EDEM3: variants seen among roughly 807,000 people sequenced by gnomAD.
EDEM3 encodes the protein ER degradation-enhancing alpha-mannosidase-like protein 3.
EDEM3 carries 60 observed loss-of-function variants against 110.2 expected under a neutral mutation model. That is an observed-to-expected ratio of 0.54 (90% confidence interval 0.44 to 0.67). The LOEUF is 0.67. Ranked by LOEUF, EDEM3 falls within the 30% of genes least tolerant of loss-of-function variation. EDEM3 has a pLI of 0.00. For synonymous variants in EDEM3, 352 were observed against 382.9 expected, an observed-to-expected ratio of 0.92 and a Z score of 0.94; for missense variants, 996 against 1,121.0, an observed-to-expected ratio of 0.89 and a Z score of 1.59.
intron 6 of EDEM3, among the ~76,000 whole-genome samples, chr1:184,731,735 T>C (rs1442951346): frequency 6.6e-6 from 1 of 152,200 alleles, no homozygotes; most frequent in African/African-American, 2.4e-5. Context: ...TGTTCTTCCT[T>C]CTGCAGCATA....
At position 184,706,541 on chromosome 1, in the gene EDEM3, A is replaced by T. The variant is rs568613353; in HGVS notation, c.2203+102T>A. ...CTTGTTGTCTAGGTGAGGTAAAAAA[A>T]ACTATGACAAACTCTTTGATAAAAT... On this transcript the variant is annotated intron_variant, in intron 18 of 19. Coordinates refer to ENST00000318130, the MANE Select transcript of EDEM3 (RefSeq NM_025191.4). The T allele has an allele frequency of 9.7e-5, 113 of 1,162,300 alleles. 2 individuals are homozygous for T. In the South Asian group the frequency reaches 1.8e-3, roughly 19 times the overall value. 72.0% of individuals were successfully genotyped at this position (1,162,300 alleles called of 1,614,324 possible).
At chr1:184,703,438 C>T (rs1224805603) in intron 18 of EDEM3, among the ~76,000 whole-genome samples, 1 of 152,098 alleles carries the variant, frequency 6.6e-6, no homozygotes, top group African/African-American at 2.4e-5. Context: ...TGAAAATTTC[C>T]ACTACTGGCA....
intron 7 of EDEM3, 52 bp downstream of exon 7, chr1:184,726,203 T>A (rs1651181492): frequency 6.3e-7 from 1 of 1,582,036 alleles, no homozygotes; most frequent in Non-Finnish European, 8.6e-7. Context: ...GAAGAAGATA[T>A]AAAGGTAGTT....
chr1:184,708,255 C>A lies in EDEM3; in HGVS notation c.1935G>T (p.Leu645=). ...AAACAATTTGTACAGCTCGTGGAGG[C>A]AGCTGCTGTTCTTTTTGTTGCTGAC... ...LSSQQQKEQQ[L]PPRAVQIVSH... is the part of the protein sequence containing the mutation. Residue 645 remains leucine (L), a synonymous_variant, in exon 17 of 20, where the codon CTG becomes CTT. Coordinates refer to ENST00000318130, the MANE Select transcript of EDEM3 (RefSeq NM_025191.4). 1 of 1,613,456 alleles carries A rather than the reference C, an allele frequency of 6.2e-7. No homozygotes were observed. The highest frequency in any genetic ancestry group is 1.1e-5 in the South Asian group (1 of 90,964).
intron 13 of EDEM3, among the ~76,000 whole-genome samples, chr1:184,716,125 A>G (rs1176476042): frequency 6.6e-6 from 1 of 152,174 alleles, no homozygotes; most frequent in Non-Finnish European, 1.5e-5. Flanking sequence ...CACATATACA[A>G]TGTTTTAAAA....
At position 184,692,725 on chromosome 1, in the gene EDEM3, A is replaced by C. The variant is rs1046086868; in HGVS notation, c.*1338T>G. 1 of 151,758 alleles carries C rather than the reference A, an allele frequency of 6.6e-6. No individual in the cohort carries two copies. Among genetic ancestry groups the C allele is most frequent in the Admixed American group, 6.6e-5 (1 of 15,224 alleles). The allele number at this position is 151,758 out of a possible 1,614,324, so 9.4% of individuals were successfully genotyped here. Reference sequence around the variant, plus strand: ...GGGCTGTCTACAAACATCAACAACAAAATTTAAAAATTTTTAAGACTTAAA... The same window carrying C: ...GGGCTGTCTACAAACATCAACAACACAATTTAAAAATTTTTAAGACTTAAA... On this transcript the variant is annotated 3_prime_UTR_variant, in exon 20 of 20. Coordinates refer to ENST00000318130, the MANE Select transcript of EDEM3 (RefSeq NM_025191.4).
At chr1:184,712,048 T>C (rs1270224220) in intron 14 of EDEM3, among the ~76,000 whole-genome samples, 171 bp from the exon 15 acceptor site, 4 of 152,104 alleles carry the variant, frequency 2.6e-5, no homozygotes, top group Admixed American at 2.6e-4. Flanking sequence ...TGCCTCAGCC[T>C]TCCGAGTAGC....
At chr1:184,701,437 C>G in intron 19 of EDEM3, 3 of 1,069,392 alleles carry the variant, frequency 2.8e-6, no homozygotes, top group Non-Finnish European at 3.6e-6. Flanking sequence ...AGTGTGTGTA[C>G]ACACACCCAA....
chr1:184,742,120 T>C (rs1386312635), intron 2 of EDEM3, among the ~76,000 whole-genome samples: 1 of 152,044 alleles, frequency 6.6e-6, no homozygotes, highest in African/African-American at 2.4e-5. Context: ...TACAGACTAG[T>C]GGCCAGGAAC....
At chr1:184,696,893 T>A (rs892021620) in intron 19 of EDEM3, among the ~76,000 whole-genome samples, 2 of 151,980 alleles carry the variant, frequency 1.3e-5, no homozygotes, top group Admixed American at 1.3e-4. Flanking sequence ...TAGGGTTACA[T>A]ATACGATATT....
intron 18 of EDEM3, among the ~76,000 whole-genome samples, chr1:184,703,524 T>C (rs992393954): frequency 2.0e-5 from 3 of 152,228 alleles, no homozygotes; most frequent in African/African-American, 4.8e-5. Context: ...GTTATGACTA[T>C]AGTGCTTCTT....
chr1:184,726,899 G>A (rs147248553), intron 6 of EDEM3, among the ~76,000 whole-genome samples: 211 of 152,308 alleles, frequency 1.4e-3, no homozygotes, highest in African/African-American at 4.8e-3. Context: ...TTTCATTTAC[G>A]GGTTTTAAGA....
intron 14 of EDEM3, 119 bp from the exon 15 acceptor site, chr1:184,711,996 T>C (rs1650270308): frequency 2.8e-6 from 2 of 722,674 alleles, no homozygotes; most frequent in Non-Finnish European, 4.2e-6. Flanking sequence ...GCGTAATCTC[T>C]GCTCACTGTA....
Position 184,716,914 on chromosome 1 carries a change from A to G in EDEM3, c.1344T>C (p.Asp448=). 1 of 1,613,398 alleles carries G rather than the reference A, an allele frequency of 6.2e-7. No individual in the cohort carries two copies. Among genetic ancestry groups the G allele is most frequent in the African/African-American group, 1.3e-5 (1 of 75,016 alleles). ...TGTCCTCATGACTTCCAGTACGAAC[A>G]TCCTTCATGGCAGCAAATCCGCAAG... ...RVPCGFAAMK[D]VRTGSHEDRM... is the part of the protein sequence containing the mutation. Residue 448 remains aspartate (D), a synonymous_variant, in exon 13 of 20, where the codon GAT becomes GAC. Coordinates refer to ENST00000318130, the MANE Select transcript of EDEM3 (RefSeq NM_025191.4).
chr1:184,754,759 T>C lies in EDEM3; in HGVS notation c.-113A>G, dbSNP rs868035522. ...TGCCGAGACGGGGCGGGATGCGGAG[T>C]AACACGGACGGCCGCCGGCGCCAAA... is the stretch of plus-strand genomic sequence containing the variant. On this transcript the variant is annotated 5_prime_UTR_variant, in exon 1 of 20. Transcript: ENST00000318130. 1 of 1,387,516 alleles carries C rather than the reference T, an allele frequency of 7.2e-7. No homozygotes were observed. 86.0% of individuals were successfully genotyped at this position (1,387,516 alleles called of 1,614,324 possible).
chr1:184,725,862 G>A (rs1651163149), intron 7 of EDEM3, among the ~76,000 whole-genome samples: 1 of 152,046 alleles, frequency 6.6e-6, no homozygotes, highest in East Asian at 1.9e-4. Context: ...AAATTTCACT[G>A]TGTTTTAGAA....
At chr1:184,709,591 G>A (rs1473215346) in intron 16 of EDEM3, among the ~76,000 whole-genome samples, 1 of 152,208 alleles carries the variant, frequency 6.6e-6, no homozygotes, top group East Asian at 1.9e-4. Context: ...AGGATCAAGA[G>A]GCCACTTGGC....
chr1:184,719,088 T>C (rs1478747786), intron 11 of EDEM3, 74 bp downstream of exon 11: 46 of 762,402 alleles, frequency 6.0e-5, no homozygotes, highest in South Asian at 1.5e-4. Context: ...TAGCAACTTA[T>C]AGTGTATATG....
intron 1 of EDEM3, 137 bp downstream of exon 1, chr1:184,754,352 C>A: frequency 1.4e-5 from 19 of 1,399,130 alleles, no homozygotes; most frequent in Non-Finnish European, 1.6e-5. Context: ...CCTGTCCACC[C>A]CTCTAGGGTT....
Sources: allele counts gnomAD v4.1 joint callset (sites outside exome capture counted in the v4.1 genomes callset), GRCh38; gene constraint gnomAD v4.1.1; transcripts MANE v1.5; gene names NCBI Gene and HGNC (gene_info 2026-07-23, HGNC 2026-07-21).